The following SH3TC2 variants were observed in gnomAD, a reference collection of about 807,000 sequenced individuals.
SH3TC2 encodes SH3 domain and tetratricopeptide repeats 2.
A neutral mutation model predicts 124.5 loss-of-function variants in SH3TC2; 87 were observed. That is an observed-to-expected ratio of 0.70 (90% CI 0.59 to 0.84). SH3TC2 has a LOEUF of 0.84. SH3TC2 is among the 40% of genes least tolerant of loss of function. The pLI is 0.00. For missense variants in SH3TC2, 1,536 were observed against 1,566.4 expected, an observed-to-expected ratio of 0.98 and a Z score of 0.33; for synonymous variants, 634 against 628.5, an observed-to-expected ratio of 1.01 and a Z score of -0.13.
chr5:149,051,222 T>C (rs777655581), intron 2 of SH3TC2, among the ~76,000 whole-genome samples: 1 of 152,240 alleles, frequency 6.6e-6, no homozygotes, highest in Non-Finnish European at 1.5e-5. Context: ...TTGTGAGAGA[T>C]GTGTATTAAG....
chr5:149,028,327 G>A lies in SH3TC2; in HGVS notation c.1405C>T (p.Pro469Ser), dbSNP rs1370966250. 1.2e-6 allele frequency: 2 copies of A among 1,614,062 alleles called. No homozygotes were observed. The highest frequency in any genetic ancestry group is 3.3e-4 in the Middle Eastern group (2 of 6,062). ...TCATGATCCAGAAAAGCCAATATGG[G>A]GGCGAAGTTCTCAGCCTCCTCCTCC... Reference protein sequence around the residue: ...GQEEEAENFAPILAFLDHEGY... With the variant: ...GQEEEAENFASILAFLDHEGY... Residue 469 changes from proline to serine, a missense_variant, in exon 11 of 17, where the codon CCC (proline) becomes TCC (serine). By Grantham distance (74) the Pro-to-Ser change is moderately conservative (BLOSUM62 -1). Coordinates refer to ENST00000515425, the MANE Select transcript of SH3TC2 (RefSeq NM_024577.4).
intron 13 of SH3TC2, among the ~76,000 whole-genome samples, chr5:149,011,188 C>T (rs921635384): frequency 8.5e-5 from 13 of 152,214 alleles, no homozygotes; most frequent in African/African-American, 2.7e-4. Flanking sequence ...AGTTAGGTGG[C>T]AGCCTGGGGT....
At chr5:149,026,451 C>A (rs968384164) in intron 12 of SH3TC2, 121 bp downstream of exon 12, 3 of 1,226,048 alleles carry the variant, frequency 2.4e-6, no homozygotes, top group Non-Finnish European at 1.2e-6. Context: ...AGAGCCCTTG[C>A]TCTTTTGCAC....
At chr5:149,024,270 A>G (rs1203527788) in intron 12 of SH3TC2, among the ~76,000 whole-genome samples, 1 of 152,142 alleles carries the variant, frequency 6.6e-6, no homozygotes, top group Non-Finnish European at 1.5e-5. Context: ...CTAGTGAACT[A>G]AGTTACTCTC....
At position 149,027,843 on chromosome 5, in the gene SH3TC2, G is replaced by A. The variant is rs749260578; in HGVS notation, c.1889C>T (p.Pro630Leu). 1.4e-5 allele frequency: 22 copies of A among 1,613,742 alleles called. No individual in the cohort carries two copies. The highest frequency in any genetic ancestry group is 3.3e-5 in the Admixed American group (2 of 60,002). ...LRQGIVVGSS[P>L]LEARACFLAI... The stretch of plus-strand genomic sequence containing the variant: ...CAGAAAGCAGGCCCTGGCCTCCAGC[G>A]GGCTGCTGCCCACCACAATCCCCTG... The change falls in exon 11 of 17, where the codon CCG becomes CTG. Residue 630 changes from proline (P) to leucine (L), a missense_variant. Coordinates refer to ENST00000515425, the MANE Select transcript of SH3TC2 (RefSeq NM_024577.4).
intron 1 of SH3TC2, among the ~76,000 whole-genome samples, chr5:149,054,091 G>A (rs571562584): frequency 1.3e-5 from 2 of 152,226 alleles, no homozygotes; most frequent in East Asian, 3.9e-4. Context: ...TTGAGGCGAT[G>A]TGATTTACCC....
chr5:149,034,469 T>C, intron 8 of SH3TC2: 1 of 407,940 alleles, frequency 2.5e-6, no homozygotes, highest in South Asian at 1.8e-5. Context: ...CTGAAAATTT[T>C]CCAGAATTGA....
chr5:149,030,674 C>T (rs144133408), intron 9 of SH3TC2, among the ~76,000 whole-genome samples: 7 of 152,366 alleles, frequency 4.6e-5, no homozygotes, highest in East Asian at 1.9e-4. Context: ...TCTTTATGCA[C>T]GGACATAGCT....
At chr5:149,021,878 C>G (rs1580896653) in intron 12 of SH3TC2, among the ~76,000 whole-genome samples, 1 of 37,320 alleles carries the variant, frequency 2.7e-5, no homozygotes, top group Non-Finnish European at 4.3e-5. Flanking sequence ...CCTTCACAAA[C>G]TCTTTCTTTT....
At chr5:149,052,593 G>A (rs1327392897) in intron 1 of SH3TC2, among the ~76,000 whole-genome samples, 1 of 152,128 alleles carries the variant, frequency 6.6e-6, no homozygotes, top group African/African-American at 2.4e-5. Flanking sequence ...GGTTCAATAG[G>A]GGCAGATAAT....
chr5:149,028,082 G>A lies in SH3TC2; in HGVS notation c.1650C>T (p.Tyr550=). The A allele has an allele frequency of 6.2e-7, 1 of 1,614,092 alleles. No individual in the cohort carries two copies. The highest frequency in any genetic ancestry group is 8.5e-7 in the Non-Finnish European group (1 of 1,180,038). The change falls in exon 11 of 17, where the codon TAC becomes TAT. Residue 550 remains tyrosine (Y), a synonymous_variant. Coordinates refer to ENST00000515425, the MANE Select transcript of SH3TC2 (RefSeq NM_024577.4). ...TGAGAATGTGGATGGCCTCCTCGAA[G>A]TACACCCTGGCCTGAGAGAGTTTGA... ...RKVKLSQARV[Y]FEEAIHILNG... is the part of the protein sequence containing the mutation.
intron 8 of SH3TC2, 60 bp downstream of exon 8, chr5:149,038,235 G>C (rs767922235): frequency 4.7e-5 from 74 of 1,567,902 alleles, no homozygotes; most frequent in Non-Finnish European, 4.1e-5. Context: ...TGCTCAAAGA[G>C]GGGAGGGAAC....
chr5:149,038,615 A>T, intron 7 of SH3TC2, 125 bp from the exon 8 acceptor site: 1 of 1,029,558 alleles, frequency 9.7e-7, no homozygotes, highest in Non-Finnish European at 1.5e-6. Context: ...GTAACATTTC[A>T]CTCCCCTCCC....
rs1339792903 is a variant in SH3TC2 at position 148,998,613 on chromosome 5, T to C, written c.*6098A>G. On this transcript the variant is annotated 3_prime_UTR_variant, in exon 17 of 17. Transcript: ENST00000515425. ...CTTCCCTCTCACCTGCCTCGCAGTC[T>C]GTACTGGGAAGCCAAGCCAAGCAGC... 6.6e-6 allele frequency among the ~76,000 whole-genome samples: 1 copy of C among 152,212 alleles called. No individual in the cohort carries two copies. The highest frequency in any genetic ancestry group is 1.9e-4 in the East Asian group (1 of 5,196).
rs562125931 is a variant in SH3TC2, at chr5:148,996,088, C to CA, written c.*8622dup. The stretch of plus-strand genomic sequence containing the variant: ...GGAAACCCATCTCTACAAAAACTAC[C>CA]AAAAAAAAAAAAAATTAGCTGGGAG... On this transcript the variant is annotated 3_prime_UTR_variant, in exon 17 of 17. Transcript: ENST00000515425. 0.065 allele frequency among the ~76,000 whole-genome samples: 9,001 copies of CA among 137,738 alleles called. 506 individuals are homozygous for CA. The highest frequency in any genetic ancestry group is 0.18 in the Admixed American group (2,566 of 13,976). 90.4% of individuals were successfully genotyped at this position (137,738 alleles called of 152,430 possible).
rs1262196721 is a variant in SH3TC2, at chr5:148,993,932, C to CAT, written c.*10777_*10778dup. Among the ~76,000 whole-genome samples, 6 of 152,154 alleles carry CAT rather than the reference C, an allele frequency of 3.9e-5. No individual in the cohort carries two copies. The highest frequency in any genetic ancestry group is 1.4e-4 in the African/African-American group (6 of 41,434). On this transcript the variant is annotated 3_prime_UTR_variant, in exon 17 of 17. Coordinates refer to ENST00000515425, the MANE Select transcript of SH3TC2 (RefSeq NM_024577.4). ...TATATAACATGGGCCAGGCACTTTACATATATTCACACATTTGATCCACAC... is the reference window on the plus strand; with the variant it reads ...TATATAACATGGGCCAGGCACTTTACATATATATTCACACATTTGATCCACAC...
At chr5:149,005,850 T>C (rs996848472) in intron 16 of SH3TC2, among the ~76,000 whole-genome samples, 2 of 152,152 alleles carry the variant, frequency 1.3e-5, no homozygotes, top group South Asian at 4.1e-4. Context: ...GATTAAGGGT[T>C]GTGCTTCAGG....
Position 149,008,940 on chromosome 5 carries a change from T to C in SH3TC2, c.3389A>G (p.Asn1130Ser). Residue 1130 changes from asparagine (N) to serine (S), a missense_variant, in exon 15 of 17, where the codon AAT becomes AGT. By Grantham distance (46) the Asn-to-Ser change is conservative. This residue lies in a region of SH3TC2 where 426 missense variants were observed against 443.5 expected (regional missense o/e 0.96). Coordinates refer to ENST00000515425, the MANE Select transcript of SH3TC2 (RefSeq NM_024577.4). ...GCTAATCTGCAGCTCTGTCAGCTTA[T>C]TGAAAATCCGGAGCTCAGTTCTCAC... ...KAVRTELRIFNKLTELQISLE... is the reference protein window; with the variant it reads ...KAVRTELRIFSKLTELQISLE... 1.2e-6 allele frequency: 2 copies of C among 1,614,220 alleles called. No individual in the cohort carries two copies. The highest frequency in any genetic ancestry group is 1.1e-5 in the South Asian group (1 of 91,084).
chr5:149,060,589 C>T lies in SH3TC2; in HGVS notation c.52+2382G>A, dbSNP rs553336961. ...TGTGTCCATTAGCCCTGAGGACTCACTGTTTTGGTGTCTGCTGTTAACTCT... is the reference window on the plus strand; with the variant it reads ...TGTGTCCATTAGCCCTGAGGACTCATTGTTTTGGTGTCTGCTGTTAACTCT... On this transcript the variant is annotated intron_variant, in intron 1 of 16. Coordinates refer to ENST00000515425, the MANE Select transcript of SH3TC2 (RefSeq NM_024577.4). Among the ~76,000 whole-genome samples the T allele has an allele frequency of 5.4e-4, 82 of 152,306 alleles. 2 individuals are homozygous for T. The South Asian group carries it at 0.015, about 28-fold the overall frequency.
Sources: gnomAD v4.1 joint callset for allele counts (sites outside exome capture counted in the v4.1 genomes callset) on GRCh38, gnomAD v4.1.1 for gene constraint, gnomAD v4.1.1 regional missense constraint, MANE v1.5 for transcripts, NCBI Gene and HGNC (gene_info 2026-07-23, HGNC 2026-07-21) for gene names.